Variants in CPNE4 observed in about 807,000 individuals in gnomAD.
CPNE4 encodes copine 4.
In CPNE4, 25 loss-of-function variants were observed where a neutral mutation model predicts 67.9. The observed-to-expected ratio is 0.37, with a 90% CI of 0.27 to 0.51. CPNE4 has a LOEUF of 0.51. CPNE4 is among the 20% of genes least tolerant of loss of function. The pLI, the probability that CPNE4 is intolerant of heterozygous loss-of-function variation, is 0.93. For synonymous variants in CPNE4, 242 were observed against 244.9 expected (o/e 0.99, Z 0.11); for missense variants, 464 against 690.8 (o/e 0.67, Z 3.68).
intron 2 of CPNE4, among the ~76,000 whole-genome samples, chr3:131,817,971 A>G (rs1261538538): frequency 6.6e-6 from 1 of 152,230 alleles, no homozygotes. Context: ...GCTGCATTTC[A>G]GTATTTAAAA....
At chr3:131,717,210 T>C (rs1210085792) in intron 3 of CPNE4, among the ~76,000 whole-genome samples, 1 of 151,412 alleles carries the variant, frequency 6.6e-6, no homozygotes, top group Non-Finnish European at 1.5e-5. Flanking sequence ...GTCTGGCATA[T>C]TACTCCATGT....
chr3:131,697,560 C>T (rs191264360), intron 4 of CPNE4, among the ~76,000 whole-genome samples: 1 of 152,168 alleles, frequency 6.6e-6, no homozygotes, highest in East Asian at 1.9e-4. Flanking sequence ...AAATTATTTA[C>T]ACTTAATCTT....
intron 3 of CPNE4, among the ~76,000 whole-genome samples, chr3:131,721,341 A>AT (rs2081878683): frequency 7.2e-6 from 1 of 138,016 alleles, no homozygotes; most frequent in Non-Finnish European, 1.6e-5. Context: ...AAAGCTTTGG[A>AT]CCAAAAAAAA....
intron 2 of CPNE4, among the ~76,000 whole-genome samples, chr3:131,821,647 G>T (rs1468571949): frequency 2.6e-5 from 4 of 152,158 alleles, no homozygotes; most frequent in Non-Finnish European, 5.9e-5. Flanking sequence ...CACAAACTGG[G>T]GAGTAATTCC....
rs556654789 is a variant in CPNE4 at position 131,980,134 on chromosome 3, C to T, written c.-2+54433G>A. Among the ~76,000 whole-genome samples, 17 of 152,242 alleles carry T rather than the reference C, an allele frequency of 1.1e-4. No individual in the cohort carries two copies. In the South Asian group the frequency reaches 3.3e-3, roughly 30 times the overall value. On this transcript the variant is annotated intron_variant, in intron 1 of 15. Coordinates refer to ENST00000429747, the MANE Select transcript of CPNE4 (RefSeq NM_130808.3). ...TCTCTCACAGCTCTTAAAATTCTTTCCTTCATCTTAACTTTGGATAACCTG... is the reference window on the plus strand; with the variant it reads ...TCTCTCACAGCTCTTAAAATTCTTTTCTTCATCTTAACTTTGGATAACCTG...
chr3:131,862,997 T>A (rs968692552), intron 2 of CPNE4, among the ~76,000 whole-genome samples: 3 of 151,638 alleles, frequency 2.0e-5, no homozygotes, highest in South Asian at 2.1e-4. Flanking sequence ...CTGAGAATGA[T>A]GGTTTCCAGC....
At chr3:131,564,485 A>C in intron 10 of CPNE4, 136 bp from the exon 11 acceptor site, 1 of 806,536 alleles carries the variant, frequency 1.2e-6, no homozygotes, top group Non-Finnish European at 1.9e-6. Context: ...AAGAAAGAGA[A>C]TAAACTAATT....
intron 2 of CPNE4, among the ~76,000 whole-genome samples, chr3:131,752,053 G>C (rs534022220): frequency 5.9e-5 from 9 of 152,180 alleles, no homozygotes; most frequent in Admixed American, 1.3e-4. Flanking sequence ...CCCCAGCGAC[G>C]TGGGGGAAGG....
At chr3:131,897,023 T>C (rs972475807) in intron 2 of CPNE4, among the ~76,000 whole-genome samples, 1 of 152,108 alleles carries the variant, frequency 6.6e-6, no homozygotes, top group African/African-American at 2.4e-5. Flanking sequence ...GGAATATCAA[T>C]ACCACGTACT....
intron 1 of CPNE4, among the ~76,000 whole-genome samples, chr3:131,976,059 T>G (rs1420311584): frequency 6.7e-6 from 1 of 148,854 alleles, no homozygotes; most frequent in Non-Finnish European, 1.5e-5. Flanking sequence ...TTTTAAAACT[T>G]AATAATCTGT....
In CPNE4 at chr3:131,967,433, G is replaced by T. The variant is rs981132586; in HGVS notation, c.-1-61989C>A. On this transcript the variant is annotated intron_variant, in intron 1 of 15. Coordinates refer to ENST00000429747, the MANE Select transcript of CPNE4 (RefSeq NM_130808.3). ...AAATAGGAAGAAAGGAAGTCAAATT[G>T]TTGCTGTTTGCAGATGACATGATTG... 2.6e-5 allele frequency among the ~76,000 whole-genome samples: 4 copies of T among 152,152 alleles called. No individual in the cohort carries two copies. In the East Asian group the frequency reaches 7.7e-4, roughly 29 times the overall value.
chr3:131,796,785 G>C (rs1252545825), intron 2 of CPNE4, among the ~76,000 whole-genome samples: 1 of 152,114 alleles, frequency 6.6e-6, no homozygotes, highest in East Asian at 1.9e-4. Context: ...CCCACTCAAA[G>C]AGCATCAGTG....
chr3:131,731,192 A>T (rs1238455730), intron 2 of CPNE4, among the ~76,000 whole-genome samples: 1 of 152,120 alleles, frequency 6.6e-6, no homozygotes, highest in African/African-American at 2.4e-5. Flanking sequence ...CTGCTTATGG[A>T]TCCCCTGGGA....
At chr3:131,729,105 T>G (rs956406821) in intron 2 of CPNE4, among the ~76,000 whole-genome samples, 1 of 152,100 alleles carries the variant, frequency 6.6e-6, no homozygotes, top group African/African-American at 2.4e-5. Context: ...GCCAAAATTA[T>G]TGTCAGTCAC....
intron 3 of CPNE4, among the ~76,000 whole-genome samples, chr3:131,710,626 CTT>C (rs2081535187): frequency 6.6e-6 from 1 of 152,080 alleles, no homozygotes; most frequent in Non-Finnish European, 1.5e-5. Context: ...TCAGTGTACT[CTT>C]TGGTGAATCA....
chr3:131,537,463 A>T, intron 15 of CPNE4: 1 of 160,566 alleles, frequency 6.2e-6, no homozygotes, highest in Non-Finnish European at 1.4e-5. Flanking sequence ...TTATATTTTT[A>T]GTAGACATGG....
chr3:131,585,123 G>T (rs1016212027), intron 8 of CPNE4, among the ~76,000 whole-genome samples: 2 of 151,994 alleles, frequency 1.3e-5, no homozygotes, highest in Non-Finnish European at 2.9e-5. Flanking sequence ...ATCATTAAGG[G>T]GCCTCAACTT....
At chr3:131,778,292 C>T (rs770124079) in intron 2 of CPNE4, among the ~76,000 whole-genome samples, 5 of 152,108 alleles carry the variant, frequency 3.3e-5, no homozygotes, top group Non-Finnish European at 7.4e-5. Context: ...ACCACTGCCC[C>T]TCCTCCTATC....
chr3:131,930,617 T>C (rs914144638), intron 1 of CPNE4, among the ~76,000 whole-genome samples: 1 of 152,140 alleles, frequency 6.6e-6, no homozygotes, highest in Non-Finnish European at 1.5e-5. Context: ...TGTAATTTGG[T>C]AATCCTATTA....
Sources: allele counts gnomAD v4.1 joint callset (sites outside exome capture counted in the v4.1 genomes callset), GRCh38; gene constraint gnomAD v4.1.1; transcripts MANE v1.5; gene names NCBI Gene and HGNC (gene_info 2026-07-23, HGNC 2026-07-21).